The following DNAH11 variants were observed in gnomAD, a reference collection of about 807,000 sequenced individuals.
The protein encoded by DNAH11 is dynein axonemal heavy chain 11.
Under a neutral mutation model 526.0 loss-of-function variants are expected in DNAH11, and 442 were observed. That is an observed-to-expected ratio of 0.84 (90% CI 0.78 to 0.91). The LOEUF (loss-of-function observed/expected upper bound fraction) is 0.91, where lower values mean the gene tolerates loss of function less well. Ranked by LOEUF, DNAH11 falls within the 40% of genes least tolerant of loss-of-function variation. The pLI, the probability that DNAH11 is intolerant of heterozygous loss-of-function variation, is 0.00. For synonymous variants in DNAH11, 2,461 were observed against 1,935.9 expected (o/e 1.27, Z -7.12); for missense variants, 6,989 against 5,448.7 (o/e 1.28, Z -8.90).
intron 30 of DNAH11, among the ~76,000 whole-genome samples, chr7:21,673,044 A>G (rs1782707562): frequency 6.6e-6 from 1 of 151,872 alleles, no homozygotes; most frequent in Non-Finnish European, 1.5e-5. Context: ...TCTTTTTTTC[A>G]CGGTGTGTGA....
chr7:21,765,405 G>C lies in DNAH11; in HGVS notation c.8941-23G>C, dbSNP rs748411203. 3.1e-6 allele frequency: 5 copies of C among 1,613,096 alleles called. No individual in the cohort carries two copies. In the African/African-American group the frequency reaches 5.3e-5, roughly 17 times the overall value. Reference sequence around the variant, plus strand: ...GCTCATTCATCACCCGCCTGTTTCTGCCTTGCCCCCATGTCTCCACAGATC... The same window carrying C: ...GCTCATTCATCACCCGCCTGTTTCTCCCTTGCCCCCATGTCTCCACAGATC... On this transcript the variant is annotated intron_variant, in intron 54 of 81. Transcript: ENST00000409508.
chr7:21,887,765 C>T (rs1303962577), intron 76 of DNAH11, among the ~76,000 whole-genome samples: 1 of 152,068 alleles, frequency 6.6e-6, no homozygotes, highest in African/African-American at 2.4e-5. Flanking sequence ...TGCTCTGTGC[C>T]AAGGGTCATT....
chr7:21,697,106 A>G (rs1014464785), intron 35 of DNAH11, among the ~76,000 whole-genome samples: 4 of 152,172 alleles, frequency 2.6e-5, no homozygotes, highest in African/African-American at 9.6e-5. Flanking sequence ...CATGAAGTAG[A>G]CTGCAATTAT....
intron 14 of DNAH11, among the ~76,000 whole-genome samples, chr7:21,594,772 T>TG (rs1784807497): frequency 6.6e-6 from 1 of 151,982 alleles, no homozygotes; most frequent in South Asian, 2.1e-4. Flanking sequence ...AGTGGAGAGT[T>TG]GCTGAGGTGA....
In DNAH11 at chr7:21,571,795, T is replaced by A; in HGVS notation, c.1426-11T>A. 6.2e-7 allele frequency: 1 copy of A among 1,600,862 alleles called. No homozygotes were observed. The highest frequency in any genetic ancestry group is 8.5e-7 in the Non-Finnish European group (1 of 1,175,114). On this transcript the variant is annotated splice_polypyrimidine_tract_variant and intron_variant, in intron 7 of 81. Transcript: ENST00000409508. ...TGTAGTGGAAAGGTCTTTACTGTGT[T>A]TTTTACAAAGGATATATTTGCCACC...
intron 4 of DNAH11, 44 bp from the exon 5 acceptor site, chr7:21,561,019 TAGTAATCG>T: frequency 8.1e-7 from 1 of 1,238,512 alleles, no homozygotes; most frequent in South Asian, 1.3e-5. Flanking sequence ...TGCATGTATT[TAGTAATCG>T]AGTTTATATT....
rs372733227 is a variant in DNAH11 at position 21,852,612 on chromosome 7, T to C, written c.11042T>C (p.Val3681Ala). 160 of 1,599,936 alleles carry C rather than the reference T, an allele frequency of 1.0e-4. 2 individuals are homozygous for C. The South Asian group carries it at 1.2e-3, about 12-fold the overall frequency. ...VERLEATKTTVAEIEHKVIEA... is the reference protein window; with the variant it reads ...VERLEATKTTAAEIEHKVIEA... ...AGATTGGAGGCAACAAAGACCACCG[T>C]GGCAGAGATAGAGCACAAGGTAGGA... Residue 3681 changes from valine to alanine, a missense_variant, in exon 67 of 82, where the codon GTG becomes GCG. Coordinates refer to ENST00000409508, the MANE Select transcript of DNAH11 (RefSeq NM_001277115.2).
chr7:21,767,143 A>C (rs904506605), intron 55 of DNAH11, among the ~76,000 whole-genome samples: 2 of 152,212 alleles, frequency 1.3e-5, no homozygotes, highest in Non-Finnish European at 2.9e-5. Context: ...GCATCATTTT[A>C]TCTTGTGATA....
chr7:21,886,260 A>AGT lies in DNAH11; in HGVS notation c.12507+1851_12507+1852insTG, dbSNP rs1562603992. Among the ~76,000 whole-genome samples, 15 of 152,310 alleles carry AGT rather than the reference A, an allele frequency of 9.8e-5. No homozygotes were observed. In the East Asian group the frequency reaches 2.5e-3, roughly 25 times the overall value. On this transcript the variant is annotated intron_variant, in intron 76 of 81. Transcript: ENST00000409508. ...ATCAGTCTAATATTTAGTGTATATT[A>AGT]GATTAAATCACTAAAATCATATTAG...
intron 14 of DNAH11, among the ~76,000 whole-genome samples, chr7:21,595,842 C>G (rs1367947228): frequency 6.6e-6 from 1 of 151,638 alleles, no homozygotes; most frequent in Non-Finnish European, 1.5e-5. Flanking sequence ...AAATCAAGGA[C>G]TGTTGGCTGG....
chr7:21,661,811 T>C (rs1782252562), intron 30 of DNAH11, among the ~76,000 whole-genome samples: 2 of 152,026 alleles, frequency 1.3e-5, no homozygotes, highest in Admixed American at 1.3e-4. Context: ...ACTTAGTTAG[T>C]ATATGGAAAA....
intron 74 of DNAH11, among the ~76,000 whole-genome samples, chr7:21,879,671 C>A (rs1380531471): frequency 6.6e-6 from 1 of 152,032 alleles, no homozygotes; most frequent in Admixed American, 6.5e-5. Flanking sequence ...TTTTTTCTCA[C>A]ACATATTAGG....
At chr7:21,563,484 C>T (rs1783544712) in intron 5 of DNAH11, among the ~76,000 whole-genome samples, 1 of 152,188 alleles carries the variant, frequency 6.6e-6, no homozygotes, top group African/African-American at 2.4e-5. Context: ...ACATGAACCA[C>T]TGCACCTGGC....
chr7:21,892,470 T>C lies in DNAH11; in HGVS notation c.12553T>C (p.Tyr4185His), dbSNP rs570869472. The change falls in exon 77 of 82, where the codon TAC becomes CAC. Residue 4185 changes from tyrosine (Y) to histidine (H), a missense_variant. Coordinates refer to ENST00000409508, the MANE Select transcript of DNAH11 (RefSeq NM_001277115.2). The part of the protein sequence containing the change: ...MLAPGFAAPP[Y>H]LDYAGYHQYI... The stretch of plus-strand genomic sequence containing the variant: ...GGCACCAGGTTTTGCTGCCCCACCC[T>C]ACCTAGATTATGCAGGCTACCACCA... The C allele has an allele frequency of 9.9e-6, 16 of 1,613,798 alleles. No homozygotes were observed. The African/African-American group carries it at 1.7e-4, about 17-fold the overall frequency.
rs1284949616 is a variant in DNAH11 at position 21,610,056 on chromosome 7, C to G, written c.3852+3323C>G. On this transcript the variant is annotated intron_variant, in intron 20 of 81. Coordinates refer to ENST00000409508, the MANE Select transcript of DNAH11 (RefSeq NM_001277115.2). ...GATCACAAGGTCAGGAGATGGAGAC[C>G]ATCCTGGCTAACACAGTGAAACCCC... Among the ~76,000 whole-genome samples, 3 of 152,268 alleles carry G rather than the reference C, an allele frequency of 2.0e-5. No individual in the cohort carries two copies. In the South Asian group the frequency reaches 6.2e-4, roughly 32 times the overall value.
chr7:21,628,909 A>G (rs1392228891), intron 25 of DNAH11, among the ~76,000 whole-genome samples: 2 of 151,796 alleles, frequency 1.3e-5, no homozygotes, highest in African/African-American at 4.8e-5. Flanking sequence ...TATTTGTTTC[A>G]GCTCTCATCC....
intron 28 of DNAH11, among the ~76,000 whole-genome samples, chr7:21,642,399 A>G (rs536172410): frequency 2.0e-5 from 3 of 152,262 alleles, no homozygotes; most frequent in African/African-American, 7.2e-5. Context: ...TTCAACATGC[A>G]TTCTGAATTC....
chr7:21,687,429 C>G lies in DNAH11; in HGVS notation c.5826C>G (p.Gly1942=). 1 of 1,613,886 alleles carries G rather than the reference C, an allele frequency of 6.2e-7. No homozygotes were observed. The highest frequency in any genetic ancestry group is 8.5e-7 in the Non-Finnish European group (1 of 1,179,906). ...GATTGGTGCAGACAGGAGCTTGGGG[C>G]TGCTTTGATGAGTTCAACCGAATCT... The part of the protein sequence containing the change: ...YKGLVQTGAW[G]CFDEFNRISV... Residue 1942 remains glycine, a synonymous_variant, in exon 34 of 82, where the codon GGC becomes GGG. Transcript: ENST00000409508.
At chr7:21,783,893 A>T (rs1465662861) in intron 57 of DNAH11, among the ~76,000 whole-genome samples, 1 of 152,120 alleles carries the variant, frequency 6.6e-6, no homozygotes, top group Non-Finnish European at 1.5e-5. Context: ...CTAAAATTTT[A>T]TTTATAGTTA....
Sources: gnomAD v4.1 joint callset for allele counts (sites outside exome capture counted in the v4.1 genomes callset) on GRCh38, gnomAD v4.1.1 for gene constraint, MANE v1.5 for transcripts, NCBI Gene and HGNC (gene_info 2026-07-23, HGNC 2026-07-21) for gene names.